The following SEPTIN10 variants were observed in gnomAD, a reference collection of about 807,000 sequenced individuals.
SEPTIN10 encodes the protein septin 10, also known as septin-10.
SEPTIN10 carries 66 observed loss-of-function variants against 54.8 expected under a neutral mutation model. The ratio of observed to expected loss-of-function variants is 1.21; its 90% CI spans 0.99 to 1.48. The LOEUF is 1.48. Ranked by LOEUF, SEPTIN10 falls within the 40% of genes most tolerant of loss-of-function variation. SEPTIN10 has a pLI of 0.00. For synonymous variants in SEPTIN10, 161 were observed against 181.0 expected (o/e 0.89, Z 0.89); for missense variants, 620 against 545.6 (o/e 1.14, Z -1.36).
At chr2:109,545,182 G>C (rs1344022827) in intron 10 of SEPTIN10, 1 of 985,226 alleles carries the variant, frequency 1.0e-6, no homozygotes. Flanking sequence ...GAGGTAGCTA[G>C]AGTAAACTGA....
chr2:109,545,898 G>A (rs547246916), intron 10 of SEPTIN10, 152 bp downstream of exon 10: 1 of 1,447,374 alleles, frequency 6.9e-7, no homozygotes, highest in Non-Finnish European at 9.2e-7. Context: ...GTGAACAAGA[G>A]GGACAAGGTC....
chr2:109,584,312 CT>C (rs1224939451), intron 4 of SEPTIN10, among the ~76,000 whole-genome samples: 4 of 151,214 alleles, frequency 2.6e-5, no homozygotes, highest in African/African-American at 9.7e-5. Flanking sequence ...CCCGTCTCTA[CT>C]AAAAACACAA....
At chr2:109,578,660 G>A (rs1421553020) in intron 4 of SEPTIN10, among the ~76,000 whole-genome samples, 8 of 152,014 alleles carry the variant, frequency 5.3e-5, no homozygotes, top group African/African-American at 9.7e-5. Context: ...CCAGCTACTC[G>A]GGAGGCTGAG....
intron 4 of SEPTIN10, among the ~76,000 whole-genome samples, chr2:109,575,178 C>A (rs558771461): frequency 2.0e-5 from 3 of 152,274 alleles, no homozygotes; most frequent in African/African-American, 7.2e-5. Flanking sequence ...CATGCTGGGT[C>A]CCTTTCTGAC....
intron 1 of SEPTIN10, among the ~76,000 whole-genome samples, chr2:109,611,265 T>G (rs1353712240): frequency 6.6e-6 from 1 of 152,188 alleles, no homozygotes; most frequent in Non-Finnish European, 1.5e-5. Flanking sequence ...CTTTGGGATC[T>G]AAGGTTAGGC....
intron 8 of SEPTIN10, among the ~76,000 whole-genome samples, chr2:109,554,866 C>A (rs1276338114): frequency 6.6e-6 from 1 of 152,156 alleles, no homozygotes; most frequent in Non-Finnish European, 1.5e-5. Flanking sequence ...ACTAGAGTCA[C>A]TGGAATCACT....
chr2:109,599,376 T>C (rs1696090000), intron 1 of SEPTIN10, among the ~76,000 whole-genome samples: 1 of 149,086 alleles, frequency 6.7e-6, no homozygotes. Flanking sequence ...AAGAACTGCT[T>C]GAACTCAGGA....
At chr2:109,571,228 T>A (rs1473145005) in intron 5 of SEPTIN10, among the ~76,000 whole-genome samples, 1 of 152,228 alleles carries the variant, frequency 6.6e-6, no homozygotes, top group Non-Finnish European at 1.5e-5. Flanking sequence ...CAATTAAACC[T>A]CTTTTCTTCA....
intron 4 of SEPTIN10, among the ~76,000 whole-genome samples, chr2:109,576,810 C>T (rs1453566952): frequency 6.6e-6 from 1 of 152,004 alleles, no homozygotes; most frequent in Admixed American, 6.6e-5. Context: ...AAATATGAAT[C>T]AGAGCGATTA....
At chr2:109,558,577 C>G (rs1573458678) in intron 8 of SEPTIN10, among the ~76,000 whole-genome samples, 1 of 152,130 alleles carries the variant, frequency 6.6e-6, no homozygotes, top group African/African-American at 2.4e-5. Context: ...ATGTTAAGAT[C>G]AGTTAATTAA....
chr2:109,566,596 A>G (rs575006578), intron 6 of SEPTIN10, among the ~76,000 whole-genome samples: 13 of 152,244 alleles, frequency 8.5e-5, no homozygotes, highest in African/African-American at 3.1e-4. Flanking sequence ...ATATGGTACT[A>G]ATATAAAGTA....
intron 9 of SEPTIN10, among the ~76,000 whole-genome samples, chr2:109,551,535 G>A (rs1199850251): frequency 6.6e-6 from 1 of 152,166 alleles, no homozygotes; most frequent in East Asian, 1.9e-4. Context: ...TGGGGCAACT[G>A]GGGAAATCTG....
At chr2:109,552,885 TAA>T in intron 9 of SEPTIN10, 200 bp downstream of exon 9, 3 of 545,008 alleles carry the variant, frequency 5.5e-6, no homozygotes, top group Non-Finnish European at 6.2e-6. Flanking sequence ...TGTACTGCTT[TAA>T]AAAAAAAGAA....
chr2:109,613,569 G>C (rs1301157831), intron 1 of SEPTIN10: 1 of 257,052 alleles, frequency 3.9e-6, no homozygotes, highest in African/African-American at 2.3e-5. Context: ...CCCGACGCTG[G>C]CGCCGCGCCC....
At chr2:109,551,416 A>C (rs1268977130) in intron 9 of SEPTIN10, among the ~76,000 whole-genome samples, 1 of 152,216 alleles carries the variant, frequency 6.6e-6, no homozygotes, top group Non-Finnish European at 1.5e-5. Flanking sequence ...AAAAGAAACT[A>C]AACAAACATA....
Position 109,567,963 on chromosome 2 carries a change from GGT to G in SEPTIN10, c.612_613del (p.Pro205SerfsTer10). 1 of 1,602,522 alleles carries G rather than the reference GGT, an allele frequency of 6.2e-7. No homozygotes were observed. The highest frequency in any genetic ancestry group is 2.2e-5 in the East Asian group (1 of 44,776). ...AACCGTATCTGCTTTGGCAATCACT[GGT>G]ATAATGTTTACCTATTAAGAATAAA... On this transcript the variant is annotated frameshift_variant, in exon 6 of 11. Transcript: ENST00000397712. LOFTEE classifies it high-confidence loss of function.
chr2:109,558,003 G>C (rs1187396197), intron 8 of SEPTIN10, among the ~76,000 whole-genome samples: 1 of 151,964 alleles, frequency 6.6e-6, no homozygotes, highest in African/African-American at 2.4e-5. Context: ...ATGTTACCTA[G>C]GCTGGTCTCA....
chr2:109,552,591 T>C (rs560877224), intron 9 of SEPTIN10: 1 of 157,088 alleles, frequency 6.4e-6, no homozygotes, highest in East Asian at 1.9e-4. Flanking sequence ...GCATACACTG[T>C]GTTGCCACTG....
Position 109,593,134 on chromosome 2 carries a change from C to T in SEPTIN10, c.31-15G>A, listed in dbSNP as rs756767136. 1.9e-6 allele frequency: 3 copies of T among 1,576,948 alleles called. No individual in the cohort carries two copies. On this transcript the variant is annotated splice_polypyrimidine_tract_variant and intron_variant, in intron 1 of 10. Transcript: ENST00000397712. ...GACTGAAAGAGCTAAAAAAGGAATA[C>T]AAAGGCTTAAAAGGAAACAGAAACA...
Sources: gnomAD v4.1 joint callset for allele counts (sites outside exome capture counted in the v4.1 genomes callset) on GRCh38, gnomAD v4.1.1 for gene constraint, MANE v1.5 for transcripts, NCBI Gene and HGNC (gene_info 2026-07-23, HGNC 2026-07-21) for gene names.